The following OR10A2 variants were observed in gnomAD, a reference collection of about 807,000 sequenced individuals.
The protein encoded by OR10A2 is olfactory receptor family 10 subfamily A member 2, also known as olfactory receptor 10A2.
A neutral mutation model predicts 13.7 loss-of-function variants in OR10A2; 15 were observed. The observed-to-expected ratio is 1.10, with a 90% confidence interval of 0.73 to 1.69. The LOEUF is 1.69. Ranked by LOEUF, OR10A2 falls within the 40% of genes most tolerant of loss-of-function variation. The pLI is 0.00. For synonymous variants in OR10A2, 145 were observed against 144.7 expected, an observed-to-expected ratio of 1.00 and a Z score of -0.02; for missense variants, 343 against 361.1, an observed-to-expected ratio of 0.95 and a Z score of 0.41.
At position 6,872,637 on chromosome 11, in the gene OR10A2, A is replaced by T. The variant is rs1371123349; in HGVS notation, c.*1971A>T. On this transcript the variant is annotated 3_prime_UTR_variant, in exon 2 of 2. Coordinates refer to ENST00000641461, the MANE Select transcript of OR10A2 (RefSeq NM_001004460.2). ...GTGGCTGGGACTATAGGCGTACATC[A>T]CCATGCCTGGCCATTTAAAAATTTT... is the stretch of plus-strand genomic sequence containing the variant. 1.3e-5 allele frequency: 2 copies of T among 151,940 alleles called. No homozygotes were observed. The highest frequency in any genetic ancestry group is 4.8e-5 in the African/African-American group (2 of 41,328). The allele number at this position is 151,940 out of a possible 1,614,324, so 9.4% of individuals were successfully genotyped here.
At position 6,871,863 on chromosome 11, in the gene OR10A2, G is replaced by C. The variant is rs1034640667; in HGVS notation, c.*1197G>C. The C allele has an allele frequency of 3.9e-5, 6 of 152,084 alleles. No homozygotes were observed. The highest frequency in any genetic ancestry group is 9.7e-5 in the African/African-American group (4 of 41,416). 9.4% of individuals were successfully genotyped at this position (152,084 alleles called of 1,614,324 possible). A position where few individuals can be genotyped will look rare whatever the true frequency, so the allele number is the denominator to read the frequency against. On this transcript the variant is annotated 3_prime_UTR_variant, in exon 2 of 2. Transcript: ENST00000641461. The stretch of plus-strand genomic sequence containing the variant: ...TATATCTGTTTTTATATTTTTGCTA[G>C]TGTACCTGACAAATAGAAATCTAGA...
At chr11:6,869,524 A>C in intron 1 of OR10A2, 99 bp from the exon 2 acceptor site, 1 of 551,608 alleles carries the variant, frequency 1.8e-6, no homozygotes. Flanking sequence ...GGCCCATCTC[A>C]GAGATTAGGC....
rs1198997679 is a variant in OR10A2, at chr11:6,873,378, T to C, written c.*2712T>C. ...AACAGTAGAATGAAAATACCAACAA[T>C]GCTTGGATTAGAACAATGATGCTTG... On this transcript the variant is annotated 3_prime_UTR_variant, in exon 2 of 2. Coordinates refer to ENST00000641461, the MANE Select transcript of OR10A2 (RefSeq NM_001004460.2). 1 of 152,174 alleles carries C rather than the reference T, an allele frequency of 6.6e-6. No homozygotes were observed. Among genetic ancestry groups the C allele is most frequent in the Admixed American group, 6.5e-5 (1 of 15,282 alleles). The allele number at this position is 152,174 out of a possible 1,614,324, so 9.4% of individuals were successfully genotyped here. A position where few individuals can be genotyped will look rare whatever the true frequency, so the allele number is the denominator to read the frequency against.
At position 6,870,988 on chromosome 11, in the gene OR10A2, C is replaced by G; in HGVS notation, c.*322C>G. 1 of 163,704 alleles carries G rather than the reference C, an allele frequency of 6.1e-6. No homozygotes were observed. Among genetic ancestry groups the G allele is most frequent in the East Asian group, 1.6e-4 (1 of 6,354 alleles). The allele number at this position is 163,704 out of a possible 1,614,324, so 10.1% of individuals were successfully genotyped here. Reference sequence around the variant, plus strand: ...TTGAGACGGAGTCTCGCTCTGTCCCCCAGGCTGGAGTGCAGTGGCGCATCT... The same window carrying G: ...TTGAGACGGAGTCTCGCTCTGTCCCGCAGGCTGGAGTGCAGTGGCGCATCT... On this transcript the variant is annotated 3_prime_UTR_variant, in exon 2 of 2. Transcript: ENST00000641461.
chr11:6,866,079 T>C (rs546468946), intron 1 of OR10A2, among the ~76,000 whole-genome samples: 8 of 152,362 alleles, frequency 5.3e-5, no homozygotes, highest in African/African-American at 1.9e-4. Context: ...CATGTATCAA[T>C]AGTTCATCCT....
In OR10A2 at chr11:6,872,801, T is replaced by C. The variant is rs1278605560; in HGVS notation, c.*2135T>C. On this transcript the variant is annotated 3_prime_UTR_variant, in exon 2 of 2. Transcript: ENST00000641461. Reference sequence around the variant, plus strand: ...TTGCATGCAACACAAGTGTTTCTCTTTTCTTTTCTTTCTTTCTTTTTTTTT... The same window carrying C: ...TTGCATGCAACACAAGTGTTTCTCTCTTCTTTTCTTTCTTTCTTTTTTTTT... The C allele has an allele frequency of 2.0e-5, 3 of 146,752 alleles. No homozygotes were observed. 9.1% of individuals were successfully genotyped at this position (146,752 alleles called of 1,614,324 possible).
rs764786836 is a variant in OR10A2 at position 6,870,057 on chromosome 11, C to T, written c.303C>T (p.Leu101=). The change falls in exon 2 of 2, where the codon CTC becomes CTT. Residue 101 remains leucine, a synonymous_variant. Coordinates refer to ENST00000641461, the MANE Select transcript of OR10A2 (RefSeq NM_001004460.2). ...TCTTTGGAGTGGCTGAATGCTTCCT[C>T]CTGGCTACCATGGCATATGACCGCT... The part of the protein sequence containing the change: ...FFFFGVAECF[L]LATMAYDRYV... The T allele has an allele frequency of 1.2e-6, 2 of 1,614,072 alleles. No individual in the cohort carries two copies. Among genetic ancestry groups the T allele is most frequent in the Non-Finnish European group, 1.7e-6 (2 of 1,180,038 alleles).
chr11:6,874,674 T>A lies in OR10A2; in HGVS notation c.*4008T>A, dbSNP rs1323185971. 6.6e-6 allele frequency: 1 copy of A among 152,262 alleles called. No homozygotes were observed. The highest frequency in any genetic ancestry group is 1.5e-5 in the Non-Finnish European group (1 of 68,046). 9.4% of individuals were successfully genotyped at this position (152,262 alleles called of 1,614,324 possible). A position where few individuals can be genotyped will look rare whatever the true frequency, so the allele number is the denominator to read the frequency against. Reference sequence around the variant, plus strand: ...CTTGACTGTAAAATGGGTATAATACTATCTGTATCTTCAGGTGTTGTGAGA... The same window carrying A: ...CTTGACTGTAAAATGGGTATAATACAATCTGTATCTTCAGGTGTTGTGAGA... On this transcript the variant is annotated 3_prime_UTR_variant, in exon 2 of 2. Coordinates refer to ENST00000641461, the MANE Select transcript of OR10A2 (RefSeq NM_001004460.2).
rs1848441743 is a variant in OR10A2 at position 6,872,299 on chromosome 11, A to C, written c.*1633A>C. On this transcript the variant is annotated 3_prime_UTR_variant, in exon 2 of 2. Transcript: ENST00000641461. Reference sequence around the variant, plus strand: ...AATCTATCCCATCTCTCAAGACCCCACTGTGATTCCTCAAGAAGCAGAAAT... The same window carrying C: ...AATCTATCCCATCTCTCAAGACCCCCCTGTGATTCCTCAAGAAGCAGAAAT... 1 of 152,150 alleles carries C rather than the reference A, an allele frequency of 6.6e-6. No individual in the cohort carries two copies. The highest frequency in any genetic ancestry group is 1.5e-5 in the Non-Finnish European group (1 of 68,024). The allele number at this position is 152,150 out of a possible 1,614,324, so 9.4% of individuals were successfully genotyped here. A position where few individuals can be genotyped will look rare whatever the true frequency, so the allele number is the denominator to read the frequency against.
intron 1 of OR10A2, among the ~76,000 whole-genome samples, chr11:6,867,917 T>C (rs1352229915): frequency 2.0e-5 from 3 of 152,012 alleles, no homozygotes; most frequent in African/African-American, 7.2e-5. Flanking sequence ...AACTGGATAT[T>C]TTCTCCATTT....
chr11:6,864,673 G>T (rs1186090955), intron 1 of OR10A2, among the ~76,000 whole-genome samples: 1 of 152,030 alleles, frequency 6.6e-6, no homozygotes, highest in African/African-American at 2.4e-5. Flanking sequence ...GGGATGTGCA[G>T]GCAGAAATGA....
At position 6,870,852 on chromosome 11, in the gene OR10A2, C is replaced by T; in HGVS notation, c.*186C>T. ...GACCTAGCACCACCAACTATGAAAA[C>T]TCCTCTGCCTGCCCATTGTAGACTT... On this transcript the variant is annotated 3_prime_UTR_variant, in exon 2 of 2. Coordinates refer to ENST00000641461, the MANE Select transcript of OR10A2 (RefSeq NM_001004460.2). The T allele has an allele frequency of 2.0e-6, 1 of 503,442 alleles. No homozygotes were observed. Among genetic ancestry groups the T allele is most frequent in the Non-Finnish European group, 3.5e-6 (1 of 286,908 alleles). The allele number at this position is 503,442 out of a possible 1,614,324, so 31.2% of individuals were successfully genotyped here. A position where few individuals can be genotyped will look rare whatever the true frequency, so the allele number is the denominator to read the frequency against.
chr11:6,870,889 C>A lies in OR10A2; in HGVS notation c.*223C>A. The A allele has an allele frequency of 2.4e-6, 1 of 421,474 alleles. No homozygotes were observed. The highest frequency in any genetic ancestry group is 4.2e-6 in the Non-Finnish European group (1 of 238,204). 26.1% of individuals were successfully genotyped at this position (421,474 alleles called of 1,614,324 possible). On this transcript the variant is annotated 3_prime_UTR_variant, in exon 2 of 2. Transcript: ENST00000641461. ...CCCATTGTAGACTTACATTGTTTTC[C>A]TTGTTTCAACTGGTATGACAGCACT...
At chr11:6,865,509 C>T (rs553161599) in intron 1 of OR10A2, among the ~76,000 whole-genome samples, 1 of 152,142 alleles carries the variant, frequency 6.6e-6, no homozygotes, top group East Asian at 1.9e-4. Flanking sequence ...TAATAGTCAG[C>T]ACTGAACAAA....
Position 6,872,282 on chromosome 11 carries a change from C to A in OR10A2, c.*1616C>A, listed in dbSNP as rs1287464117. 1 of 152,066 alleles carries A rather than the reference C, an allele frequency of 6.6e-6. No individual in the cohort carries two copies. The highest frequency in any genetic ancestry group is 1.5e-5 in the Non-Finnish European group (1 of 68,018). The allele number at this position is 152,066 out of a possible 1,614,324, so 9.4% of individuals were successfully genotyped here. On this transcript the variant is annotated 3_prime_UTR_variant, in exon 2 of 2. Transcript: ENST00000641461. ...CACTTTTATTTTAGCCAAATCTATC[C>A]CATCTCTCAAGACCCCACTGTGATT...
At position 6,870,605 on chromosome 11, in the gene OR10A2, T is replaced by G. The variant is rs764690853; in HGVS notation, c.851T>G (p.Val284Gly). The G allele has an allele frequency of 3.1e-6, 5 of 1,613,208 alleles. No individual in the cohort carries two copies. Among genetic ancestry groups the G allele is most frequent in the Non-Finnish European group, 2.5e-6 (3 of 1,179,510 alleles). Reference protein sequence around the residue: ...PIIYSLRNNEVKNALSRTVSK... With the variant: ...PIIYSLRNNEGKNALSRTVSK... ...ATCTACAGCCTGAGAAATAACGAGGTGAAGAATGCCCTCAGCAGGACGGTC... is the reference window on the plus strand; with the variant it reads ...ATCTACAGCCTGAGAAATAACGAGGGGAAGAATGCCCTCAGCAGGACGGTC... The change falls in exon 2 of 2, where the codon GTG becomes GGG. Residue 284 changes from valine to glycine, a missense_variant. Transcript: ENST00000641461.
At position 6,870,009 on chromosome 11, in the gene OR10A2, C is replaced by T. The variant is rs771605991; in HGVS notation, c.255C>T (p.Ala85=). 2 of 1,614,084 alleles carry T rather than the reference C, an allele frequency of 1.2e-6. No individual in the cohort carries two copies. The highest frequency in any genetic ancestry group is 1.1e-5 in the South Asian group (1 of 91,076). Residue 85 remains alanine, a synonymous_variant, in exon 2 of 2, where the codon GCC becomes GCT. Transcript: ENST00000641461. ...CAACCATCTCCTTCCTTGGCTGTGC[C>T]ACTCAGATGTATTTCTTCTTCTTCT... is the stretch of plus-strand genomic sequence containing the variant. ...QDTTISFLGC[A]TQMYFFFFFG...
At chr11:6,869,195 A>C (rs969943464) in intron 1 of OR10A2, among the ~76,000 whole-genome samples, 3 of 152,260 alleles carry the variant, frequency 2.0e-5, no homozygotes, top group African/African-American at 7.2e-5. Flanking sequence ...TCCTCAATAC[A>C]TGCTAACCTT....
rs375768283 is a variant in OR10A2, at chr11:6,869,665, T to C, written c.-90T>C. 5 of 1,108,554 alleles carry C rather than the reference T, an allele frequency of 4.5e-6. No homozygotes were observed. In the South Asian group the frequency reaches 7.2e-5, roughly 16 times the overall value. The allele number at this position is 1,108,554 out of a possible 1,614,324, so 68.7% of individuals were successfully genotyped here. A position where few individuals can be genotyped will look rare whatever the true frequency, so the allele number is the denominator to read the frequency against. On this transcript the variant is annotated 5_prime_UTR_variant, in exon 2 of 2. Transcript: ENST00000641461. ...AACAAATTGAGAATCTGACTTCCAA[T>C]CAATAATCTTTCTCCATGACCACAG...
Sources: gnomAD v4.1 joint callset for allele counts (sites outside exome capture counted in the v4.1 genomes callset) on GRCh38, gnomAD v4.1.1 for gene constraint, MANE v1.5 for transcripts, NCBI Gene and HGNC (gene_info 2026-07-23, HGNC 2026-07-21) for gene names.